PDE3B: variants seen among roughly 807,000 people sequenced by gnomAD.
The protein encoded by PDE3B is phosphodiesterase 3B.
In PDE3B, 66 loss-of-function variants were observed where a neutral mutation model predicts 116.8. That is an observed-to-expected ratio of 0.56 (90% CI 0.46 to 0.69). The LOEUF (loss-of-function observed/expected upper bound fraction) is 0.69, where lower values mean the gene tolerates loss of function less well. PDE3B is among the 30% of genes least tolerant of loss of function. PDE3B has a pLI of 0.00. For synonymous variants in PDE3B, 595 were observed against 533.6 expected (o/e 1.12, Z -1.59); for missense variants, 1,384 against 1,368.1 (o/e 1.01, Z -0.18).
chr11:14,669,538 T>C (rs1854301313), intron 1 of PDE3B, among the ~76,000 whole-genome samples: 1 of 368 alleles, frequency 2.7e-3, no homozygotes, highest in African/African-American at 0.026. Context: ...TATGTATACA[T>C]GTGCCATGTT....
chr11:14,881,535 A>G, the PDE3B span, among the ~76,000 whole-genome samples: 1 of 152,126 alleles, frequency 6.6e-6, no homozygotes, highest in Non-Finnish European at 1.5e-5. Flanking sequence ...TAAATTTCAC[A>G]TTGATAAGTG....
rs575677238 is a variant in PDE3B at position 14,858,830 on chromosome 11, T to C, written c.2521-213T>C. On this transcript the variant is annotated intron_variant, in intron 12 of 15. Coordinates refer to ENST00000282096, the MANE Select transcript of PDE3B (RefSeq NM_000922.4). ...CCCTTTCACTTACTAGAGCTATGTA[T>C]GTTGGAAGGAAAGGTGTATCTTAAC... Among the ~76,000 whole-genome samples the C allele has an allele frequency of 5.3e-4, 81 of 152,306 alleles. 1 individual carries two copies. Among genetic ancestry groups the C allele is most frequent in the African/African-American group, 1.9e-3 (80 of 41,560 alleles).
intron 1 of PDE3B, among the ~76,000 whole-genome samples, chr11:14,744,854 CAT>C (rs1167232781): frequency 2.6e-5 from 4 of 152,146 alleles, no homozygotes; most frequent in Non-Finnish European, 4.4e-5. Flanking sequence ...TTATAGGAAA[CAT>C]ATTTTTAATA....
intron 1 of PDE3B, among the ~76,000 whole-genome samples, chr11:14,737,853 G>C (rs1443209413): frequency 7.2e-6 from 1 of 139,352 alleles, no homozygotes; most frequent in Non-Finnish European, 1.5e-5. Flanking sequence ...CCATCTATGA[G>C]TGAGAACATG....
intron 1 of PDE3B, among the ~76,000 whole-genome samples, chr11:14,678,014 C>T (rs1212513983): frequency 3.3e-5 from 5 of 152,092 alleles, no homozygotes; most frequent in African/African-American, 7.2e-5. Context: ...CTGCAACCTC[C>T]GCCTCCCAGG....
chr11:14,669,764 C>T (rs1194635699), intron 1 of PDE3B, among the ~76,000 whole-genome samples: 1 of 151,988 alleles, frequency 6.6e-6, no homozygotes, highest in Non-Finnish European at 1.5e-5. Context: ...GACACAGTAT[C>T]TGCAGTATCG....
chr11:14,740,756 C>G (rs1411761546), intron 1 of PDE3B, among the ~76,000 whole-genome samples: 2 of 152,178 alleles, frequency 1.3e-5, no homozygotes, highest in Admixed American at 1.3e-4. Flanking sequence ...AAATTCCTCT[C>G]TAAACACTGC....
intron 7 of PDE3B, among the ~76,000 whole-genome samples, chr11:14,820,967 C>CT (rs1859499634): frequency 6.6e-6 from 1 of 152,132 alleles, no homozygotes; most frequent in South Asian, 2.1e-4. Flanking sequence ...AATTTATACT[C>CT]AATAAAGTTT....
At chr11:14,703,677 C>T (rs539957697) in intron 1 of PDE3B, among the ~76,000 whole-genome samples, 1 of 151,668 alleles carries the variant, frequency 6.6e-6, no homozygotes, top group South Asian at 2.1e-4. Flanking sequence ...GTTTGTGTTA[C>T]CTCTTTTTCC....
chr11:14,696,605 A>G (rs1855215052), intron 1 of PDE3B, among the ~76,000 whole-genome samples: 1 of 152,154 alleles, frequency 6.6e-6, no homozygotes, highest in South Asian at 2.1e-4. Flanking sequence ...CTTTTGTGAA[A>G]TTTCTCTTTA....
At chr11:14,864,657 G>A (rs1565170690) in intron 14 of PDE3B, among the ~76,000 whole-genome samples, 2 of 152,138 alleles carry the variant, frequency 1.3e-5, no homozygotes, top group Non-Finnish European at 2.9e-5. Context: ...ACTCAAAACT[G>A]CACAATGACA....
rs781900555 is a variant in PDE3B, at chr11:14,861,212, A to G, written c.2732A>G (p.Asp911Gly). 1 of 1,610,450 alleles carries G rather than the reference A, an allele frequency of 6.2e-7. No individual in the cohort carries two copies. The highest frequency in any genetic ancestry group is 1.1e-5 in the South Asian group (1 of 90,582). The change falls in exon 14 of 16, where the codon GAT becomes GGT. Residue 911 changes from aspartate to glycine, a missense_variant. This residue lies in a region of PDE3B where 428 missense variants were observed against 561.4 expected (regional missense o/e 0.76). Coordinates refer to ENST00000282096, the MANE Select transcript of PDE3B (RefSeq NM_000922.4). ...GTTGTTTTTCCAAAATAGGCAAATGATGTAAATAGTAATGGCATAGAATGG... is the reference window on the plus strand; with the variant it reads ...GTTGTTTTTCCAAAATAGGCAAATGGTGTAAATAGTAATGGCATAGAATGG... ...FLAEFNAKANDVNSNGIEWSN... is the reference protein window; with the variant it reads ...FLAEFNAKANGVNSNGIEWSN...
intron 1 of PDE3B, among the ~76,000 whole-genome samples, chr11:14,767,417 A>G (rs10832300): frequency 0.35 from 53,149 of 151,088 alleles, 10,726 homozygotes; most frequent in South Asian, 0.46. Flanking sequence ...TGTTTGCATT[A>G]GAGTCCTATT....
At chr11:14,707,271 G>A (rs1421305025) in intron 1 of PDE3B, among the ~76,000 whole-genome samples, 1 of 151,910 alleles carries the variant, frequency 6.6e-6, no homozygotes, top group East Asian at 1.9e-4. Context: ...AGTGGGGACA[G>A]GAGTTCAACT....
chr11:14,820,457 G>A (rs1011849478), intron 7 of PDE3B, among the ~76,000 whole-genome samples: 4 of 151,944 alleles, frequency 2.6e-5, no homozygotes, highest in Admixed American at 6.6e-5. Context: ...GTGAGAATAG[G>A]GATTAACTAT....
intron 7 of PDE3B, among the ~76,000 whole-genome samples, chr11:14,829,217 C>A (rs1052484906): frequency 1.3e-5 from 2 of 151,892 alleles, no homozygotes; most frequent in African/African-American, 4.8e-5. Context: ...GGCTTAATAC[C>A]TGAGTAATGA....
At chr11:14,862,549 T>G (rs566163295) in intron 14 of PDE3B, among the ~76,000 whole-genome samples, 1 of 152,244 alleles carries the variant, frequency 6.6e-6, no homozygotes, top group Admixed American at 6.5e-5. Context: ...TTCTCAAGGA[T>G]TCAAAGATAT....
intron 1 of PDE3B, among the ~76,000 whole-genome samples, chr11:14,728,163 G>A (rs914409131): frequency 6.6e-6 from 1 of 151,926 alleles, no homozygotes; most frequent in Non-Finnish European, 1.5e-5. Context: ...AAATTTTGGG[G>A]TTATTTTAAA....
intron 1 of PDE3B, among the ~76,000 whole-genome samples, chr11:14,703,066 G>A (rs1855419918): frequency 6.6e-6 from 1 of 151,864 alleles, no homozygotes; most frequent in Admixed American, 6.6e-5. Context: ...GAGGCAAGTA[G>A]TCACTTGACT....
Sources: allele counts gnomAD v4.1 joint callset (sites outside exome capture counted in the v4.1 genomes callset), GRCh38; gene constraint gnomAD v4.1.1; regional missense constraint gnomAD v4.1.1; transcripts MANE v1.5; gene names NCBI Gene and HGNC (gene_info 2026-07-23, HGNC 2026-07-21).